CFAP47: variants seen among roughly 807,000 people sequenced by gnomAD.
CFAP47 encodes cilia and flagella associated protein 47, also known as cilia- and flagella-associated protein 47.
In CFAP47, 29 loss-of-function variants were observed where a neutral mutation model predicts 148.1. The ratio of observed to expected loss-of-function variants is 0.20; its 90% CI spans 0.15 to 0.27. CFAP47 has a LOEUF of 0.27. CFAP47 is among the 10% of genes least tolerant of loss of function. The pLI, the probability that CFAP47 is intolerant of heterozygous loss-of-function variation, is 1.00. For synonymous variants in CFAP47, 664 were observed against 577.3 expected (o/e 1.15, Z -2.15); for missense variants, 1,872 against 1,697.5 (o/e 1.10, Z -1.81).
intron 42 of CFAP47, among the ~76,000 whole-genome samples, chrX:36,200,129 C>T (rs868929290): frequency 2.7e-4 from 30 of 111,665 alleles, no homozygotes; most frequent in African/African-American, 9.7e-4. Flanking sequence ...TTGGGAAGAT[C>T]AACTGCTATC....
chrX:35,938,135 C>A (rs1935945601), intron 2 of CFAP47, among the ~76,000 whole-genome samples: 1 of 111,249 alleles, frequency 9.0e-6, no homozygotes, highest in Non-Finnish European at 1.9e-5. Context: ...TAAAATGTAT[C>A]CAGTAGAATG....
At chrX:36,249,968 G>A (rs1457210306) in intron 48 of CFAP47, among the ~76,000 whole-genome samples, 1 of 111,211 alleles carries the variant, frequency 9.0e-6, no homozygotes, top group Non-Finnish European at 1.9e-5. Flanking sequence ...CTGTTGGTGG[G>A]AGTGTAAATT....
chrX:36,384,650 T>C, intron 63 of CFAP47, 147 bp from the exon 64 acceptor site: 3 of 427,259 alleles, frequency 7.0e-6, no homozygotes, highest in Non-Finnish European at 1.2e-5. Flanking sequence ...ATTTTCCACA[T>C]TAATTGTCAC....
intron 47 of CFAP47, 36 bp downstream of exon 47, chrX:36,236,113 A>G: frequency 2.4e-6 from 1 of 419,885 alleles, no homozygotes; most frequent in Non-Finnish European, 4.2e-6. Flanking sequence ...AGTATTAATT[A>G]ATAGTATCAT....
chrX:36,188,842 A>G (rs894082010), intron 41 of CFAP47, among the ~76,000 whole-genome samples, 152 bp downstream of exon 41: 3 of 111,843 alleles, frequency 2.7e-5, no homozygotes, highest in Non-Finnish European at 5.6e-5. Context: ...GCTGAAGCAT[A>G]GGTCCTGAGT....
chrX:36,189,394 G>A (rs782067586), intron 41 of CFAP47, among the ~76,000 whole-genome samples: 3 of 110,754 alleles, frequency 2.7e-5, no homozygotes, highest in Non-Finnish European at 3.8e-5. Context: ...ATGTGGCCCA[G>A]GCTTCTTTAT....
chrX:35,987,953 T>A (rs1240828826), intron 15 of CFAP47, among the ~76,000 whole-genome samples: 2 of 110,777 alleles, frequency 1.8e-5, no homozygotes, highest in Non-Finnish European at 3.8e-5. Context: ...GTCTAACCAG[T>A]CCCAATGAGA....
chrX:35,986,670 T>G (rs1430476333), intron 15 of CFAP47, among the ~76,000 whole-genome samples: 1 of 110,730 alleles, frequency 9.0e-6, no homozygotes. Flanking sequence ...GTTGTGATAC[T>G]TTGGAGGAGA....
intron 3 of CFAP47, among the ~76,000 whole-genome samples, chrX:35,946,690 A>G (rs181787686): frequency 1.8e-5 from 2 of 112,138 alleles, no homozygotes; most frequent in Admixed American, 9.4e-5. Flanking sequence ...CCTAAATTAA[A>G]TGAATACATT....
Position 36,213,980 on chromosome X carries a change from C to G in CFAP47, c.6817+8870C>G, listed in dbSNP as rs782345422. ...CCGTTGCCTCAGTATCCACAACTTA[C>G]CTCTGTGAATACAATCATGCATGGC... is the stretch of plus-strand genomic sequence containing the variant. On this transcript the variant is annotated intron_variant, in intron 45 of 63. Transcript: ENST00000378653. Among the ~76,000 whole-genome samples the G allele has an allele frequency of 2.7e-5, 3 of 111,774 alleles. No homozygotes were observed. The East Asian group carries it at 8.5e-4, about 32-fold the overall frequency.
Position 35,925,999 on chromosome X carries a change from C to G in CFAP47, c.250-18C>G, listed in dbSNP as rs375718838. 123 of 1,177,649 alleles carry G rather than the reference C, an allele frequency of 1.0e-4. No individual in the cohort carries two copies. In the African/African-American group the frequency reaches 1.7e-3, roughly 16 times the overall value. On this transcript the variant is annotated intron_variant, in intron 1 of 63. Coordinates refer to ENST00000378653, the MANE Select transcript of CFAP47 (RefSeq NM_001304548.2). ...AGGAGTTAAAATGTATAATTTGACTCTCTTTCTCCCACTGAAGTTCAAACT... is the reference window on the plus strand; with the variant it reads ...AGGAGTTAAAATGTATAATTTGACTGTCTTTCTCCCACTGAAGTTCAAACT...
At chrX:36,383,964 C>A (rs1421796922) in intron 63 of CFAP47, among the ~76,000 whole-genome samples, 1 of 111,561 alleles carries the variant, frequency 9.0e-6, no homozygotes, top group Non-Finnish European at 1.9e-5. Context: ...TTAAATAAAT[C>A]ACTGTGTAAA....
Position 35,999,658 on chromosome X carries a change from T to G in CFAP47, c.3178-625T>G, listed in dbSNP as rs755125919. 2.7e-5 allele frequency among the ~76,000 whole-genome samples: 3 copies of G among 112,451 alleles called. No homozygotes were observed. In the South Asian group the frequency reaches 1.1e-3, roughly 41 times the overall value. On this transcript the variant is annotated intron_variant, in intron 19 of 63. Transcript: ENST00000378653. ...TTATCCATCTGGGGTTTGAAGGATGTGTAATATTTTATTAGGCAATTGCAA... is the reference window on the plus strand; with the variant it reads ...TTATCCATCTGGGGTTTGAAGGATGGGTAATATTTTATTAGGCAATTGCAA...
At chrX:36,270,549 G>GTATATATATATATATATATATATATATA (rs782687841) in intron 49 of CFAP47, among the ~76,000 whole-genome samples, 4 of 95,519 alleles carry the variant, frequency 4.2e-5, no homozygotes, top group African/African-American at 1.6e-4. Context: ...TTTAAAATTT[G>GTATATATATATATATATATATATATATA]TATATATATA....
intron 13 of CFAP47, among the ~76,000 whole-genome samples, 164 bp from the exon 14 acceptor site, chrX:35,974,983 G>GA (rs767963655): frequency 1.8e-5 from 2 of 110,381 alleles, no homozygotes; most frequent in Non-Finnish European, 3.8e-5. Context: ...TGGTCATCTA[G>GA]AAAAAAAATG....
intron 40 of CFAP47, among the ~76,000 whole-genome samples, chrX:36,185,666 A>G (rs1056504301): frequency 8.9e-6 from 1 of 111,858 alleles, no homozygotes; most frequent in African/African-American, 3.2e-5. Flanking sequence ...GGATGGTTTA[A>G]ATAACACAAA....
chrX:35,935,014 A>C (rs1935888779), intron 2 of CFAP47, among the ~76,000 whole-genome samples: 1 of 110,772 alleles, frequency 9.0e-6, no homozygotes, highest in South Asian at 3.8e-4. Flanking sequence ...GCCATGAGCT[A>C]TGCAGCCTGG....
At chrX:36,355,329 A>G (rs1392003154) in intron 60 of CFAP47, among the ~76,000 whole-genome samples, 1 of 111,719 alleles carries the variant, frequency 9.0e-6, no homozygotes, top group Non-Finnish European at 1.9e-5. Flanking sequence ...AAAAAATTAA[A>G]AAGAGAATTA....
chrX:36,174,266 T>A (rs1939633794), intron 39 of CFAP47, among the ~76,000 whole-genome samples: 2 of 110,869 alleles, frequency 1.8e-5, no homozygotes, highest in South Asian at 4.0e-4. Context: ...TTTGCCAGTC[T>A]GTGTCTTTTA....
Sources: allele counts gnomAD v4.1 joint callset (sites outside exome capture counted in the v4.1 genomes callset), GRCh38; gene constraint gnomAD v4.1.1; transcripts MANE v1.5; gene names NCBI Gene and HGNC (gene_info 2026-07-23, HGNC 2026-07-21).